The following ADAMTS14 variants were observed in gnomAD, a reference collection of about 807,000 sequenced individuals.
ADAMTS14 encodes the protein A disintegrin and metalloproteinase with thrombospondin motifs 14.
ADAMTS14 carries 100 observed loss-of-function variants against 128.6 expected under a neutral mutation model. That is an observed-to-expected ratio of 0.78 (90% confidence interval 0.66 to 0.92). The LOEUF (loss-of-function observed/expected upper bound fraction) is 0.92, where lower values mean the gene tolerates loss of function less well. Ranked by LOEUF, ADAMTS14 falls within the 40% of genes least tolerant of loss-of-function variation. The pLI is 0.00. For synonymous variants in ADAMTS14, 665 were observed against 653.8 expected, an observed-to-expected ratio of 1.02 and a Z score of -0.26; for missense variants, 1,562 against 1,658.6, an observed-to-expected ratio of 0.94 and a Z score of 1.01.
At chr10:70,757,410 A>T (rs2132757999) in intron 19 of ADAMTS14, among the ~76,000 whole-genome samples, 1 of 152,300 alleles carries the variant, frequency 6.6e-6, no homozygotes, top group South Asian at 2.1e-4. Context: ...GGGTCCATGG[A>T]GACCCTGTCG....
chr10:70,682,759 T>G (rs1192174625), intron 2 of ADAMTS14, among the ~76,000 whole-genome samples: 1 of 152,064 alleles, frequency 6.6e-6, no homozygotes. Flanking sequence ...CTCTGGGTTT[T>G]CAGTGGGGCA....
At chr10:70,746,813 T>C (rs1398458691) in intron 15 of ADAMTS14, among the ~76,000 whole-genome samples, 1 of 152,148 alleles carries the variant, frequency 6.6e-6, no homozygotes, top group Non-Finnish European at 1.5e-5. Context: ...GTTCAAACCC[T>C]GTGAGCCTGG....
rs1238971381 is a variant in ADAMTS14 at position 70,730,165 on chromosome 10, C to T, written c.1018C>T (p.His340Tyr). 1.2e-6 allele frequency: 2 copies of T among 1,613,420 alleles called. No individual in the cohort carries two copies. Among genetic ancestry groups the T allele is most frequent in the Admixed American group, 1.7e-5 (1 of 60,026 alleles). ...CCTGGAGCAGGTGTGTCGCTGGGCACACTCCCAGCAGCGCCAGGACCCCAG... is the reference window on the plus strand; with the variant it reads ...CCTGGAGCAGGTGTGTCGCTGGGCATACTCCCAGCAGCGCCAGGACCCCAG... ...RSLEQVCRWAHSQQRQDPSHA... is the reference protein window; with the variant it reads ...RSLEQVCRWAYSQQRQDPSHA... The change falls in exon 6 of 22, where the codon CAC becomes TAC. Residue 340 changes from histidine to tyrosine, a missense_variant. By Grantham distance (83) the His-to-Tyr change is moderately conservative. Transcript: ENST00000373207.
chr10:70,748,548 A>G (rs571685573), intron 15 of ADAMTS14, among the ~76,000 whole-genome samples: 1 of 152,078 alleles, frequency 6.6e-6, no homozygotes, highest in East Asian at 1.9e-4. Context: ...CTGCCCCTAC[A>G]TTGCTCCTGT....
chr10:70,678,595 C>T (rs144062087), intron 2 of ADAMTS14, among the ~76,000 whole-genome samples: 9 of 135,224 alleles, frequency 6.7e-5, no homozygotes, highest in East Asian at 2.2e-4. Flanking sequence ...AGAAGACACG[C>T]GGGGCAGGGG....
intron 4 of ADAMTS14, among the ~76,000 whole-genome samples, chr10:70,717,751 G>C (rs1841104687): frequency 6.6e-6 from 1 of 152,226 alleles, no homozygotes; most frequent in Non-Finnish European, 1.5e-5. Context: ...GCAGCCAGAA[G>C]CTTCCAGTCT....
At position 70,760,665 on chromosome 10, in the gene ADAMTS14, A is replaced by T; in HGVS notation, c.3484A>T (p.Thr1162Ser). ...PGALDTSSPG[T>S]QHPFAPETPI... ...AGCTCTGGATACAAGCTCCCCAGGG[A>T]CCCAGCATCCCTTTGCCCCTGAGAC... The change falls in exon 22 of 22, where the codon ACC (threonine) becomes TCC (serine). Residue 1162 changes from threonine (T) to serine (S), a missense_variant. Physicochemically the swap from Thr to Ser is moderately conservative, Grantham distance 58 (BLOSUM62 1). Coordinates refer to ENST00000373207, the MANE Select transcript of ADAMTS14 (RefSeq NM_080722.4). The T allele has an allele frequency of 6.2e-7, 1 of 1,614,092 alleles. No individual in the cohort carries two copies. The highest frequency in any genetic ancestry group is 1.3e-5 in the African/African-American group (1 of 75,024).
intron 15 of ADAMTS14, among the ~76,000 whole-genome samples, chr10:70,745,629 A>G (rs562775454): frequency 5.8e-4 from 89 of 152,330 alleles, no homozygotes; most frequent in African/African-American, 2.0e-3. Flanking sequence ...AAGGAAAGCC[A>G]TGTTCACAGA....
Position 70,761,046 on chromosome 10 carries a change from G to GCTTT in ADAMTS14, c.*194_*195insTTTC. 1 of 876,476 alleles carries GCTTT rather than the reference G, an allele frequency of 1.1e-6. No individual in the cohort carries two copies. The highest frequency in any genetic ancestry group is 1.6e-6 in the Non-Finnish European group (1 of 613,970). The allele number at this position is 876,476 out of a possible 1,614,324, so 54.3% of individuals were successfully genotyped here. A position where few individuals can be genotyped will look rare whatever the true frequency, so the allele number is the denominator to read the frequency against. ...GGGAGGAAGACAAAGATCAGGGAAA[G>GCTTT]CCCTAATCGGAGATACCTCAGCAAG... On this transcript the variant is annotated 3_prime_UTR_variant, in exon 22 of 22. Coordinates refer to ENST00000373207, the MANE Select transcript of ADAMTS14 (RefSeq NM_080722.4).
chr10:70,731,069 C>CACAA (rs1489985973), intron 6 of ADAMTS14, among the ~76,000 whole-genome samples: 1 of 125,240 alleles, frequency 8.0e-6, no homozygotes, highest in East Asian at 2.4e-4. Context: ...ACACACCACA[C>CACAA]ACACACACAC....
At chr10:70,755,800 G>A (rs982574670) in intron 19 of ADAMTS14, among the ~76,000 whole-genome samples, 4 of 152,246 alleles carry the variant, frequency 2.6e-5, no homozygotes, top group African/African-American at 9.6e-5. Flanking sequence ...AGTGAGCCAA[G>A]ATCACGCCAT....
intron 4 of ADAMTS14, among the ~76,000 whole-genome samples, chr10:70,712,742 C>T (rs7894605): frequency 0.083 from 12,706 of 152,240 alleles, 1,006 homozygotes; most frequent in East Asian, 0.48. Context: ...GGGGGAAAGA[C>T]ACGCGGTGGC....
chr10:70,739,662 G>C (rs909069047), intron 11 of ADAMTS14, among the ~76,000 whole-genome samples: 2 of 152,126 alleles, frequency 1.3e-5, no homozygotes, highest in Admixed American at 6.5e-5. Context: ...GAATGCAGGA[G>C]TTCTGAACCC....
At chr10:70,693,280 A>G (rs772679265) in intron 2 of ADAMTS14, among the ~76,000 whole-genome samples, 17 of 152,160 alleles carry the variant, frequency 1.1e-4, no homozygotes, top group Non-Finnish European at 2.2e-4. Flanking sequence ...GAGGGGATAA[A>G]CATCCAAACT....
chr10:70,730,746 G>T (rs1841609787), intron 6 of ADAMTS14, among the ~76,000 whole-genome samples: 1 of 152,132 alleles, frequency 6.6e-6, no homozygotes, highest in Admixed American at 6.5e-5. Flanking sequence ...CATAATACTT[G>T]CCTTCCCCCA....
intron 2 of ADAMTS14, 21 bp from the exon 3 acceptor site, chr10:70,702,291 T>A (rs771257571): frequency 8.1e-6 from 13 of 1,614,034 alleles, no homozygotes; most frequent in Non-Finnish European, 1.0e-5. Flanking sequence ...TCTTTCCCGC[T>A]GCTTGCCGTC....
chr10:70,761,189 G>A lies in ADAMTS14; in HGVS notation c.*336G>A, dbSNP rs941236311. 5 of 237,028 alleles carry A rather than the reference G, an allele frequency of 2.1e-5. No individual in the cohort carries two copies. The highest frequency in any genetic ancestry group is 5.1e-5 in the Admixed American group (1 of 19,696). 14.7% of individuals were successfully genotyped at this position (237,028 alleles called of 1,614,324 possible). On this transcript the variant is annotated 3_prime_UTR_variant, in exon 22 of 22. Transcript: ENST00000373207. ...GCCTGGGCAGGTCTGAATCCCGGCT[G>A]GTCTGTAGCTAGAAGCTGTCAGGGC...
chr10:70,701,214 G>C (rs1191219084), intron 2 of ADAMTS14, among the ~76,000 whole-genome samples: 1 of 152,220 alleles, frequency 6.6e-6, no homozygotes, highest in South Asian at 2.1e-4. Flanking sequence ...AGAACAGAAG[G>C]AGGTGGGAAA....
Position 70,692,453 on chromosome 10 carries a change from C to T in ADAMTS14, c.523-9859C>T, listed in dbSNP as rs1018246304. 2.0e-5 allele frequency among the ~76,000 whole-genome samples: 3 copies of T among 152,306 alleles called. No homozygotes were observed. The South Asian group carries it at 6.2e-4, about 32-fold the overall frequency. On this transcript the variant is annotated intron_variant, in intron 2 of 21. Transcript: ENST00000373207. Reference sequence around the variant, plus strand: ...CTGGGATGGAACCCCAGGTGTTTCCCTCCCCAGCGAAGCCTCTACACTACT... The same window carrying T: ...CTGGGATGGAACCCCAGGTGTTTCCTTCCCCAGCGAAGCCTCTACACTACT...
Sources: allele counts gnomAD v4.1 joint callset (sites outside exome capture counted in the v4.1 genomes callset), GRCh38; gene constraint gnomAD v4.1.1; transcripts MANE v1.5; gene names NCBI Gene and HGNC (gene_info 2026-07-23, HGNC 2026-07-21).